Variants in TRAP1 observed in about 807,000 individuals in gnomAD.
The protein encoded by TRAP1 is TNF receptor associated protein 1.
Under a neutral mutation model 89.1 loss-of-function variants are expected in TRAP1, and 102 were observed. The ratio of observed to expected loss-of-function variants is 1.15; its 90% CI spans 0.98 to 1.35. The LOEUF (loss-of-function observed/expected upper bound fraction) is 1.35, where lower values mean the gene tolerates loss of function less well. TRAP1 is among the 40% of genes most tolerant of loss of function. The probability of loss-of-function intolerance (pLI) is 0.00; values close to 1 mark genes in which losing one functional copy is unlikely to be tolerated. For missense variants in TRAP1, 1,256 were observed against 945.3 expected, an observed-to-expected ratio of 1.33 and a Z score of -4.31; for synonymous variants, 508 against 388.0, an observed-to-expected ratio of 1.31 and a Z score of -3.64.
At chr16:3,692,610 T>G (rs8050069) in intron 1 of TRAP1, among the ~76,000 whole-genome samples, 39,192 of 140,382 alleles carry the variant, frequency 0.28, 4,891 homozygotes, top group East Asian at 0.37. Flanking sequence ...TTTTTTTTTT[T>G]TTTTTGAGAT....
rs2051203209 is a variant in TRAP1 at position 3,690,807 on chromosome 16, A to G, written c.247+20T>C. 5.8e-6 allele frequency: 8 copies of G among 1,370,744 alleles called. No homozygotes were observed. Among genetic ancestry groups the G allele is most frequent in the Non-Finnish European group, 7.6e-6 (8 of 1,049,350 alleles). The allele number at this position is 1,370,744 out of a possible 1,614,324, so 84.9% of individuals were successfully genotyped here. ...GTGAACCAAAAAGCCCTCCCAGACC[A>G]AAGCACGAGCCAAGGCTACCCTGCA... On this transcript the variant is annotated intron_variant, in intron 2 of 17. Coordinates refer to ENST00000246957, the MANE Select transcript of TRAP1 (RefSeq NM_016292.3).
intron 13 of TRAP1, 116 bp from the exon 14 acceptor site, chr16:3,663,678 C>T (rs899670443): frequency 8.0e-6 from 11 of 1,374,400 alleles, no homozygotes; most frequent in South Asian, 5.3e-5. Flanking sequence ...TGGGGAACAC[C>T]GGGGCAGTTG....
intron 15 of TRAP1, 57 bp from the exon 16 acceptor site, chr16:3,662,189 C>T: frequency 1.3e-6 from 2 of 1,570,982 alleles, no homozygotes; most frequent in Non-Finnish European, 1.7e-6. Context: ...AGAGGGCTGG[C>T]AGGATCTTAC....
chr16:3,662,852 A>C (rs34157278), intron 15 of TRAP1, 30 bp downstream of exon 15: 8 of 1,610,626 alleles, frequency 5.0e-6, no homozygotes, highest in Non-Finnish European at 6.8e-6. Context: ...ACTGCGGCCA[A>C]GTGGTGGTCC....
rs556658879 is a variant in TRAP1 at position 3,676,043 on chromosome 16, C to G, written c.807G>C (p.Arg269=). The G allele has an allele frequency of 6.2e-7, 1 of 1,613,184 alleles. No homozygotes were observed. Among genetic ancestry groups the G allele is most frequent in the African/African-American group, 1.3e-5 (1 of 75,036 alleles). The change falls in exon 7 of 18, where the codon CGG becomes CGC. Residue 269 remains arginine, a synonymous_variant. Transcript: ENST00000246957. ...GCCCGGGCTCCCGCTCACCTCGCACCCGGGCCTCGCTGGAAAACTCCTTGC... is the reference window on the plus strand; with the variant it reads ...GCCCGGGCTCCCGCTCACCTCGCACGCGGGCCTCGCTGGAAAACTCCTTGC... The part of the protein sequence containing the change: ...SDCKEFSSEA[R]VRDVVTKYSN...
At chr16:3,682,765 G>A (rs527493088) in intron 4 of TRAP1, among the ~76,000 whole-genome samples, 2 of 150,680 alleles carry the variant, frequency 1.3e-5, no homozygotes, top group African/African-American at 2.4e-5. Flanking sequence ...GGGGGCTGAT[G>A]TGGTAGATCA....
At chr16:3,683,801 A>C (rs992673745) in intron 4 of TRAP1, among the ~76,000 whole-genome samples, 22 of 152,064 alleles carry the variant, frequency 1.4e-4, no homozygotes, top group African/African-American at 5.1e-4. Flanking sequence ...AAAAAAAAAA[A>C]AAACTATAGA....
chr16:3,684,180 T>C (rs2151264343), intron 4 of TRAP1, among the ~76,000 whole-genome samples: 1 of 151,982 alleles, frequency 6.6e-6, no homozygotes, highest in South Asian at 2.1e-4. Context: ...CAAACAAAAA[T>C]AAAAAGGAAT....
chr16:3,691,541 A>G (rs2051214622), intron 1 of TRAP1, among the ~76,000 whole-genome samples: 1 of 152,086 alleles, frequency 6.6e-6, no homozygotes, highest in Non-Finnish European at 1.5e-5. Context: ...TGCTGACAGC[A>G]CTTCCCACAT....
rs569161134 is a variant in TRAP1, at chr16:3,658,785, G to A, written c.2013+8C>T. The stretch of plus-strand genomic sequence containing the variant: ...GTCCCTGCAGTCATCCTAAGCTGCT[G>A]CACTCACCTGATCCACCAGCAGCTG... On this transcript the variant is annotated splice_region_variant and intron_variant, in intron 17 of 17. Transcript: ENST00000246957. 14 of 1,613,304 alleles carry A rather than the reference G, an allele frequency of 8.7e-6. No individual in the cohort carries two copies. Among genetic ancestry groups the A allele is most frequent in the African/African-American group, 1.3e-5 (1 of 75,052 alleles).
In TRAP1 at chr16:3,669,621, T is replaced by G. The variant is rs575560799; in HGVS notation, c.1235+2101A>C. ...AGGCCGAGGCAGGCAGATCACAAGG[T>G]CAGGAGATCAAGACCATCCCGGCTA... is the stretch of plus-strand genomic sequence containing the variant. On this transcript the variant is annotated intron_variant, in intron 11 of 17. Coordinates refer to ENST00000246957, the MANE Select transcript of TRAP1 (RefSeq NM_016292.3). Among the ~76,000 whole-genome samples the G allele has an allele frequency of 2.8e-3, 419 of 151,520 alleles. 6 individuals are homozygous for G. The highest frequency in any genetic ancestry group is 2.3e-3 in the South Asian group (11 of 4,780).
chr16:3,716,979 C>T (rs922360595), intron 1 of TRAP1, among the ~76,000 whole-genome samples: 4 of 152,226 alleles, frequency 2.6e-5, no homozygotes, highest in Admixed American at 6.5e-5. Context: ...CCTCAGTGCG[C>T]TACTGGGAGG....
At chr16:3,698,513 A>G (rs527889649) in intron 1 of TRAP1, among the ~76,000 whole-genome samples, 1 of 151,968 alleles carries the variant, frequency 6.6e-6, no homozygotes, top group African/African-American at 2.4e-5. Context: ...CGTGTTAGCC[A>G]GGATGGTCTT....
chr16:3,676,925 G>T (rs1362638740), intron 6 of TRAP1: 1 of 153,174 alleles, frequency 6.5e-6, no homozygotes, highest in African/African-American at 2.4e-5. Context: ...GTGGTGGCAT[G>T]CGCCTGTAGT....
At chr16:3,694,217 C>T (rs1383808167) in intron 1 of TRAP1, among the ~76,000 whole-genome samples, 3 of 152,086 alleles carry the variant, frequency 2.0e-5, no homozygotes, top group South Asian at 2.1e-4. Context: ...TCTTCTTATA[C>T]GGATACCAGG....
intron 5 of TRAP1, among the ~76,000 whole-genome samples, chr16:3,679,161 C>T (rs536809275): frequency 1.7e-4 from 26 of 152,040 alleles, no homozygotes; most frequent in African/African-American, 4.1e-4. Context: ...CGTGGTGGCT[C>T]GTGCCTGTAA....
chr16:3,664,387 A>T lies in TRAP1; in HGVS notation c.1456T>A (p.Tyr486Asn). 2 of 1,612,506 alleles carry T rather than the reference A, an allele frequency of 1.2e-6. No individual in the cohort carries two copies. The highest frequency in any genetic ancestry group is 1.7e-6 in the Non-Finnish European group (2 of 1,179,516). ...GTGCCGGCCCGCATGCGGCTGGCGT[A>T]TTCTGAGAGGCTGGTTAGCTGCCCG... is the stretch of plus-strand genomic sequence containing the variant. ...PSGQLTSLSE[Y>N]ASRMRAGTRN... Residue 486 changes from tyrosine to asparagine, a missense_variant, in exon 13 of 18, where the codon TAC becomes AAC. Tyr to Asn is a moderately radical substitution (Grantham distance 143, BLOSUM62 -2). Coordinates refer to ENST00000246957, the MANE Select transcript of TRAP1 (RefSeq NM_016292.3).
chr16:3,679,922 G>A, intron 4 of TRAP1, 132 bp from the exon 5 acceptor site: 2 of 778,404 alleles, frequency 2.6e-6, no homozygotes, highest in Non-Finnish European at 4.4e-6. Context: ...AGCACCAGAT[G>A]CTCATCAGAA....
chr16:3,672,437 A>C lies in TRAP1; in HGVS notation c.1165+263T>G, dbSNP rs116413872. On this transcript the variant is annotated intron_variant, in intron 10 of 17. Transcript: ENST00000246957. ...CTCACTCAAACGTAACACAACTCAC[A>C]TATCAATCTGAAACTCAGTATCCCT... is the stretch of plus-strand genomic sequence containing the variant. Among the ~76,000 whole-genome samples the C allele has an allele frequency of 7.9e-3, 1,199 of 152,326 alleles. 6 individuals are homozygous for C. The highest frequency in any genetic ancestry group is 0.022 in the African/African-American group (916 of 41,570).
Sources: allele counts gnomAD v4.1 joint callset (sites outside exome capture counted in the v4.1 genomes callset), GRCh38; gene constraint gnomAD v4.1.1; transcripts MANE v1.5; gene names NCBI Gene and HGNC (gene_info 2026-07-23, HGNC 2026-07-21).